Variants in MET observed in about 807,000 individuals in gnomAD.
MET encodes the protein hepatocyte growth factor receptor.
MET carries 48 observed loss-of-function variants against 133.1 expected under a neutral mutation model. That is an observed-to-expected ratio of 0.36 (90% CI 0.29 to 0.46). The LOEUF (loss-of-function observed/expected upper bound fraction) is 0.46. Ranked by LOEUF, MET falls within the 20% of genes least tolerant of loss-of-function variation. MET has a pLI of 1.00. For missense variants in MET, 1,442 were observed against 1,695.9 expected (o/e 0.85, Z 2.63); for synonymous variants, 628 against 616.5 (o/e 1.02, Z -0.28).
chr7:116,772,475 G>A lies in MET; in HGVS notation c.3028+486G>A, dbSNP rs1389128699. ...ATTCTAGGACTTGAATGTATTTTGA[G>A]ACTTAGCCAAGGAAAACCTTCAATT... On this transcript the variant is annotated intron_variant, in intron 14 of 20. Coordinates refer to ENST00000397752, the MANE Select transcript of MET (RefSeq NM_000245.4). Among the ~76,000 whole-genome samples, 3 of 152,170 alleles carry A rather than the reference G, an allele frequency of 2.0e-5. No individual in the cohort carries two copies. In the South Asian group the frequency reaches 6.2e-4, roughly 32 times the overall value.
intron 5 of MET, among the ~76,000 whole-genome samples, chr7:116,748,428 A>T (rs1793779869): frequency 6.6e-6 from 1 of 152,228 alleles, no homozygotes; most frequent in Admixed American, 6.5e-5. Context: ...CAATAAGAAC[A>T]AAGACAAAGA....
At chr7:116,790,516 T>C (rs1410433139) in intron 19 of MET, among the ~76,000 whole-genome samples, 1 of 152,260 alleles carries the variant, frequency 6.6e-6, no homozygotes, top group Non-Finnish European at 1.5e-5. Flanking sequence ...CATCTGTCAA[T>C]GGACATTTAG....
Position 116,757,444 on chromosome 7 carries a change from T to C in MET, c.1870T>C (p.Cys624Arg). 1 of 1,613,156 alleles carries C rather than the reference T, an allele frequency of 6.2e-7. No homozygotes were observed. Among genetic ancestry groups the C allele is most frequent in the Non-Finnish European group, 8.5e-7 (1 of 1,179,802 alleles). The change falls in exon 7 of 21, where the codon TGC becomes CGC. Residue 624 changes from cysteine (C) to arginine (R), a missense_variant. Physicochemically the swap from Cys to Arg is radical, Grantham distance 180 (BLOSUM62 -3). Transcript: ENST00000397752. Reference protein sequence around the residue: ...LSESTMNTLKCTVGPAMNKHF... With the variant: ...LSESTMNTLKRTVGPAMNKHF... ...TTTGGGTTTTTTTTCCAGATTGAAATGCACAGTTGGTCCTGCCATGAATAA... is the reference window on the plus strand; with the variant it reads ...TTTGGGTTTTTTTTCCAGATTGAAACGCACAGTTGGTCCTGCCATGAATAA...
chr7:116,763,403 A>T (rs956640223), intron 11 of MET, 135 bp downstream of exon 11: 1 of 818,184 alleles, frequency 1.2e-6, no homozygotes, highest in African/African-American at 1.7e-5. Context: ...CTGAAAAACA[A>T]ATCTTTTTGG....
At chr7:116,784,070 T>C (rs1255666549) in intron 19 of MET, among the ~76,000 whole-genome samples, 4 of 152,110 alleles carry the variant, frequency 2.6e-5, no homozygotes, top group African/African-American at 9.7e-5. Flanking sequence ...TTGAATTGGG[T>C]TAAAGGACAG....
chr7:116,704,326 C>T (rs576081949), intron 2 of MET, among the ~76,000 whole-genome samples: 4 of 152,002 alleles, frequency 2.6e-5, no homozygotes, highest in Non-Finnish European at 4.4e-5. Context: ...TGAACCCCAC[C>T]GTCTTCTACC....
Position 116,679,471 on chromosome 7 carries a change from A to G in MET, c.-15+6894A>G, listed in dbSNP as rs574377673. Among the ~76,000 whole-genome samples, 29 of 152,360 alleles carry G rather than the reference A, an allele frequency of 1.9e-4. No individual in the cohort carries two copies. In the South Asian group the frequency reaches 3.5e-3, roughly 18 times the overall value. Reference sequence around the variant, plus strand: ...TTTGATTAAATATTCAGTTGTTGCCATATGCTTTCTGAAAATTGATTTTCC... The same window carrying G: ...TTTGATTAAATATTCAGTTGTTGCCGTATGCTTTCTGAAAATTGATTTTCC... On this transcript the variant is annotated intron_variant, in intron 1 of 20. Transcript: ENST00000397752.
chr7:116,746,019 G>A (rs2116864203), intron 5 of MET, among the ~76,000 whole-genome samples: 1 of 152,238 alleles, frequency 6.6e-6, no homozygotes, highest in South Asian at 2.1e-4. Context: ...GAAAATTTTT[G>A]CAATCTACTC....
intron 5 of MET, among the ~76,000 whole-genome samples, chr7:116,753,638 T>C (rs148002080): frequency 6.6e-6 from 1 of 152,262 alleles, no homozygotes; most frequent in East Asian, 1.9e-4. Context: ...TATAAAACAA[T>C]ACCAATGAAG....
intron 18 of MET, among the ~76,000 whole-genome samples, chr7:116,782,704 T>C (rs943116591): frequency 3.3e-5 from 5 of 152,250 alleles, no homozygotes; most frequent in African/African-American, 1.2e-4. Context: ...TTTTGGTCAC[T>C]GTAACAACAT....
intron 15 of MET, 137 bp from the exon 16 acceptor site, chr7:116,777,252 T>C: frequency 1.3e-6 from 1 of 763,596 alleles, no homozygotes. Context: ...GTGGTATTGT[T>C]AAAAGTATTT....
intron 2 of MET, among the ~76,000 whole-genome samples, chr7:116,725,371 A>C (rs1259941083): frequency 6.6e-6 from 1 of 151,974 alleles, no homozygotes; most frequent in Non-Finnish European, 1.5e-5. Context: ...TAGGACATCA[A>C]GAAGTTGGGG....
chr7:116,726,747 G>A (rs2116747946), intron 2 of MET, among the ~76,000 whole-genome samples: 1 of 152,330 alleles, frequency 6.6e-6, no homozygotes, highest in East Asian at 1.9e-4. Context: ...AGATAAGGCA[G>A]ATGTGAAAGC....
chr7:116,751,160 T>C (rs1476539762), intron 5 of MET, among the ~76,000 whole-genome samples: 1 of 152,164 alleles, frequency 6.6e-6, no homozygotes, highest in African/African-American at 2.4e-5. Context: ...TAGCAAAGAC[T>C]TGGAACCAAC....
intron 5 of MET, among the ~76,000 whole-genome samples, chr7:116,751,275 A>G (rs1793909625): frequency 6.6e-6 from 1 of 152,172 alleles, no homozygotes; most frequent in Admixed American, 6.5e-5. Flanking sequence ...CTTTGCAGGG[A>G]CATGGATGAA....
chr7:116,756,205 C>T (rs754775087), intron 6 of MET, among the ~76,000 whole-genome samples: 2 of 152,128 alleles, frequency 1.3e-5, no homozygotes, highest in Non-Finnish European at 2.9e-5. Context: ...ATCCAAGACC[C>T]GTGCTAGTTC....
intron 17 of MET, among the ~76,000 whole-genome samples, chr7:116,779,441 T>C (rs955144079): frequency 4.6e-5 from 7 of 152,188 alleles, no homozygotes; most frequent in African/African-American, 1.7e-4. Flanking sequence ...GCCACGTATC[T>C]CACTTCCTCA....
rs1584961300 is a variant in MET at position 116,778,901 on chromosome 7, G to A, written c.3466G>A (p.Val1156Ile). Residue 1156 changes from valine to isoleucine, a missense_variant, in exon 17 of 21, where the codon GTC (valine) becomes ATC (isoleucine). Physicochemically the swap from Val to Ile is conservative, Grantham distance 29 (BLOSUM62 3). Coordinates refer to ENST00000397752, the MANE Select transcript of MET (RefSeq NM_000245.4). ...GCGAAGTGAAGGGTCTCCGCTGGTG[G>A]TCCTACCATACATGAAACATGGAGA... ...CLRSEGSPLV[V>I]LPYMKHGDLR... 6.2e-7 allele frequency: 1 copy of A among 1,613,986 alleles called. No individual in the cohort carries two copies. Among genetic ancestry groups the A allele is most frequent in the Non-Finnish European group, 8.5e-7 (1 of 1,179,958 alleles).
intron 5 of MET, among the ~76,000 whole-genome samples, chr7:116,742,644 A>G (rs1256114756): frequency 6.6e-6 from 1 of 152,226 alleles, no homozygotes; most frequent in Non-Finnish European, 1.5e-5. Flanking sequence ...AGCTATACTA[A>G]AATGCTTAAA....
Sources: allele counts gnomAD v4.1 joint callset (sites outside exome capture counted in the v4.1 genomes callset), GRCh38; gene constraint gnomAD v4.1.1; transcripts MANE v1.5; gene names NCBI Gene and HGNC (gene_info 2026-07-23, HGNC 2026-07-21).